The following PREX1 variants were observed in gnomAD, a reference collection of about 807,000 sequenced individuals.
PREX1 encodes the protein phosphatidylinositol 3,4,5-trisphosphate-dependent Rac exchanger 1 protein.
PREX1 carries 41 observed loss-of-function variants against 198.3 expected under a neutral mutation model. The observed-to-expected ratio is 0.21, with a 90% CI of 0.16 to 0.27. PREX1 has a LOEUF of 0.27. Among genes scored for constraint, PREX1 ranks in the 10% least tolerant of loss-of-function variants. PREX1 has a pLI of 1.00. For missense variants in PREX1, 1,620 were observed against 2,200.7 expected (o/e 0.74, Z 5.28); for synonymous variants, 843 against 887.2 (o/e 0.95, Z 0.89).
intron 19 of PREX1, among the ~76,000 whole-genome samples, chr20:48,654,807 C>G (rs1040643080): frequency 2.6e-5 from 4 of 152,236 alleles, no homozygotes; most frequent in African/African-American, 9.6e-5. Context: ...GGTTCCATCT[C>G]CAAGACATAG....
At chr20:48,693,998 A>C (rs189271738) in intron 7 of PREX1, among the ~76,000 whole-genome samples, 2 of 148,684 alleles carry the variant, frequency 1.3e-5, no homozygotes, top group South Asian at 2.2e-4. Context: ...TGCAACCTCC[A>C]CCTCCCAGGT....
intron 5 of PREX1, among the ~76,000 whole-genome samples, chr20:48,724,376 A>G (rs1019954416): frequency 6.6e-6 from 1 of 152,192 alleles, no homozygotes; most frequent in African/African-American, 2.4e-5. Context: ...TACCATTAAC[A>G]TGAACCCTAT....
At chr20:48,789,511 T>C (rs1019149522) in intron 1 of PREX1, among the ~76,000 whole-genome samples, 7 of 152,186 alleles carry the variant, frequency 4.6e-5, no homozygotes, top group Non-Finnish European at 1.0e-4. Context: ...GTGCTATAGA[T>C]AAGGGAGCGG....
the PREX1 span, among the ~76,000 whole-genome samples, chr20:48,852,566 G>A: frequency 6.6e-6 from 1 of 152,142 alleles, no homozygotes; most frequent in Non-Finnish European, 1.5e-5. Flanking sequence ...TTAAAATGCA[G>A]ATCCTGATGG....
At chr20:48,635,340 T>C (rs1448192359) in intron 32 of PREX1, among the ~76,000 whole-genome samples, 1 of 152,142 alleles carries the variant, frequency 6.6e-6, no homozygotes, top group East Asian at 1.9e-4. Context: ...ACACCAGGTT[T>C]CCCTTCTGCC....
At chr20:48,807,773 C>G (rs140228087) in intron 1 of PREX1, among the ~76,000 whole-genome samples, 1 of 152,078 alleles carries the variant, frequency 6.6e-6, no homozygotes, top group Non-Finnish European at 1.5e-5. Flanking sequence ...GTACGTGTGA[C>G]GACAGTAAGG....
At chr20:48,786,576 T>G (rs1033271547) in intron 1 of PREX1, among the ~76,000 whole-genome samples, 1 of 151,848 alleles carries the variant, frequency 6.6e-6, no homozygotes, top group African/African-American at 2.4e-5. Context: ...AAACCAGATC[T>G]CTACTAAAAA....
chr20:48,880,825 C>T, the PREX1 span, among the ~76,000 whole-genome samples: 2 of 151,658 alleles, frequency 1.3e-5, no homozygotes, highest in Non-Finnish European at 2.9e-5. Context: ...TGAAATAAAG[C>T]GAGACATTTA....
intron 5 of PREX1, among the ~76,000 whole-genome samples, chr20:48,725,581 C>G (rs368813696): frequency 2.6e-5 from 4 of 152,244 alleles, no homozygotes; most frequent in African/African-American, 9.6e-5. Flanking sequence ...CTGCCTTCCA[C>G]AAACAGCTCA....
At chr20:48,642,601 T>G (rs2089423098) in intron 27 of PREX1, 112 bp from the exon 28 acceptor site, 1 of 952,744 alleles carries the variant, frequency 1.0e-6, no homozygotes, top group Non-Finnish European at 1.6e-6. Context: ...CCACAAGGGA[T>G]GTGGAGTCTG....
intron 9 of PREX1, among the ~76,000 whole-genome samples, chr20:48,690,267 A>G (rs746204933): frequency 1.3e-5 from 2 of 152,122 alleles, no homozygotes; most frequent in African/African-American, 2.4e-5. Flanking sequence ...TTTTAGGGTT[A>G]TATGTCAGAT....
chr20:48,875,737 T>C, the PREX1 span, among the ~76,000 whole-genome samples: 1 of 151,202 alleles, frequency 6.6e-6, no homozygotes, highest in Non-Finnish European at 1.5e-5. Flanking sequence ...AGGGAAGAAG[T>C]GGGGAGGGAT....
chr20:48,759,230 A>G (rs1205695495), intron 1 of PREX1, among the ~76,000 whole-genome samples: 1 of 152,048 alleles, frequency 6.6e-6, no homozygotes, highest in Non-Finnish European at 1.5e-5. Context: ...TACTGACTTC[A>G]TGGGCTATTG....
Position 48,726,306 on chromosome 20 carries a change from T to TG in PREX1, c.604_605insC (p.Tyr202SerfsTer6). 6.2e-7 allele frequency: 1 copy of TG among 1,613,646 alleles called. No homozygotes were observed. The highest frequency in any genetic ancestry group is 8.5e-7 in the Non-Finnish European group (1 of 1,179,786). On this transcript the variant is annotated frameshift_variant, in exon 5 of 40. Transcript: ENST00000371941. LOFTEE classifies it high-confidence loss of function. ...AAGTCTCACCTTAAGGAGGAGCGGG[T>TG]ACTTGCAGATCCTCTGGATCGGAGA...
chr20:48,829,005 C>G (rs561053119), upstream of PREX1, among the ~76,000 whole-genome samples: 9 of 152,254 alleles, frequency 5.9e-5, 1 homozygote, highest in African/African-American at 2.2e-4. Context: ...GGGCTGGTTT[C>G]CTTGCTTCAA....
At chr20:48,747,302 G>T (rs1462035451) in intron 2 of PREX1, among the ~76,000 whole-genome samples, 1 of 152,198 alleles carries the variant, frequency 6.6e-6, no homozygotes, top group East Asian at 1.9e-4. Flanking sequence ...GCTGAGCCAT[G>T]CACACAGAAG....
intron 14 of PREX1, among the ~76,000 whole-genome samples, chr20:48,667,097 A>C (rs2089645765): frequency 6.6e-6 from 1 of 152,126 alleles, no homozygotes; most frequent in African/African-American, 2.4e-5. Context: ...TCCCGCCTGG[A>C]ACAAAGATGT....
intron 1 of PREX1, among the ~76,000 whole-genome samples, chr20:48,759,474 TG>T (rs2090169315): frequency 7.3e-6 from 1 of 137,500 alleles, no homozygotes; most frequent in South Asian, 2.2e-4. Context: ...CATTTGAACC[TG>T]GGAAGCAGAG....
chr20:48,744,769 C>T (rs2090100094), intron 3 of PREX1, among the ~76,000 whole-genome samples: 17 of 152,208 alleles, frequency 1.1e-4, no homozygotes, highest in Admixed American at 1.1e-3. Context: ...CTCCAGGACA[C>T]ATGCATTCAG....
Sources: gnomAD v4.1 joint callset for allele counts (sites outside exome capture counted in the v4.1 genomes callset) on GRCh38, gnomAD v4.1.1 for gene constraint, MANE v1.5 for transcripts, NCBI Gene and HGNC (gene_info 2026-07-23, HGNC 2026-07-21) for gene names.